Variants in BTBD9 observed in about 807,000 individuals in gnomAD.
The protein encoded by BTBD9 is BTB domain containing 9, also known as BTB/POZ domain-containing protein 9.
Under a neutral mutation model 64.3 loss-of-function variants are expected in BTBD9, and 49 were observed. The ratio of observed to expected loss-of-function variants is 0.76; its 90% CI spans 0.61 to 0.97. The LOEUF (loss-of-function observed/expected upper bound fraction) is 0.97. Among genes scored for constraint, BTBD9 ranks in the 50% least tolerant of loss-of-function variants. The probability of loss-of-function intolerance (pLI) is 0.00; values close to 1 mark genes in which losing one functional copy is unlikely to be tolerated. For synonymous variants in BTBD9, 260 were observed against 274.7 expected, an observed-to-expected ratio of 0.95 and a Z score of 0.53; for missense variants, 598 against 762.1, an observed-to-expected ratio of 0.78 and a Z score of 2.53.
At chr6:38,596,101 C>G in intron 2 of BTBD9, 1 of 962,382 alleles carries the variant, frequency 1.0e-6, no homozygotes, top group Non-Finnish European at 1.2e-6. Context: ...AGCACTTAGG[C>G]CTCTTCTGAC....
At chr6:38,505,612 A>G (rs1466018063) in intron 6 of BTBD9, among the ~76,000 whole-genome samples, 6 of 150,808 alleles carry the variant, frequency 4.0e-5, no homozygotes, top group Non-Finnish European at 8.9e-5. Context: ...CGACACAGCG[A>G]GACTCTGTCT....
chr6:38,425,634 G>A (rs953632449), intron 6 of BTBD9, among the ~76,000 whole-genome samples: 1 of 151,556 alleles, frequency 6.6e-6, no homozygotes, highest in African/African-American at 2.4e-5. Context: ...GGCTGGACAT[G>A]ATAGCTTATG....
chr6:38,275,989 C>T (rs1360037834), intron 8 of BTBD9, among the ~76,000 whole-genome samples: 1 of 152,102 alleles, frequency 6.6e-6, no homozygotes, highest in Non-Finnish European at 1.5e-5. Flanking sequence ...CCAGCCATCC[C>T]ATTACTGGGT....
At chr6:38,176,163 A>G (rs1467843662) in intron 10 of BTBD9, among the ~76,000 whole-genome samples, 1 of 152,114 alleles carries the variant, frequency 6.6e-6, no homozygotes, top group East Asian at 1.9e-4. Flanking sequence ...TGCAGGAGAG[A>G]AGGGCGGGGT....
intron 6 of BTBD9, among the ~76,000 whole-genome samples, chr6:38,543,613 A>G (rs1774389776): frequency 6.6e-6 from 1 of 152,166 alleles, no homozygotes; most frequent in Non-Finnish European, 1.5e-5. Context: ...TCATTTACTC[A>G]TTCAAAAAAT....
At chr6:38,291,039 T>G (rs1242219265) in intron 7 of BTBD9, among the ~76,000 whole-genome samples, 4 of 152,236 alleles carry the variant, frequency 2.6e-5, no homozygotes, top group African/African-American at 9.6e-5. Flanking sequence ...AAAGATGTCT[T>G]CTTGTATTCC....
chr6:38,541,485 T>A (rs1320140283), intron 6 of BTBD9, among the ~76,000 whole-genome samples: 1 of 152,180 alleles, frequency 6.6e-6, no homozygotes, highest in Non-Finnish European at 1.5e-5. Flanking sequence ...ACGCCTGTAA[T>A]CCCAGCACTT....
chr6:38,404,481 G>A (rs1478193808), intron 6 of BTBD9, among the ~76,000 whole-genome samples: 1 of 152,118 alleles, frequency 6.6e-6, no homozygotes, highest in African/African-American at 2.4e-5. Context: ...ATTCATTACC[G>A]ACAGCACAGC....
At chr6:38,406,704 G>A (rs1223231553) in intron 6 of BTBD9, among the ~76,000 whole-genome samples, 3 of 152,122 alleles carry the variant, frequency 2.0e-5, no homozygotes, top group Non-Finnish European at 4.4e-5. Flanking sequence ...AATCACCTTG[G>A]TGAGGAAGGT....
At position 38,420,579 on chromosome 6, in the gene BTBD9, C is replaced by T. The variant is rs115515246; in HGVS notation, c.1155-75486G>A. ...AAAAAATAATAATAACATCCTAGGCCGGGCACAGTGGCTCACACCTGTAAT... is the reference window on the plus strand; with the variant it reads ...AAAAAATAATAATAACATCCTAGGCTGGGCACAGTGGCTCACACCTGTAAT... On this transcript the variant is annotated intron_variant, in intron 6 of 10. Transcript: ENST00000481247. Among the ~76,000 whole-genome samples, 474 of 152,104 alleles carry T rather than the reference C, an allele frequency of 3.1e-3. 2 individuals carry two copies. Among genetic ancestry groups the T allele is most frequent in the African/African-American group, 0.011 (451 of 41,494 alleles).
chr6:38,208,231 G>A (rs1470435384), intron 9 of BTBD9, among the ~76,000 whole-genome samples: 17 of 152,122 alleles, frequency 1.1e-4, no homozygotes, highest in African/African-American at 2.4e-4. Flanking sequence ...GAGACGTGAC[G>A]GGTATTAAAG....
intron 3 of BTBD9, among the ~76,000 whole-genome samples, chr6:38,593,074 A>G (rs1304074215): frequency 6.6e-6 from 1 of 152,234 alleles, no homozygotes; most frequent in Non-Finnish European, 1.5e-5. Context: ...CAAACATTTA[A>G]TCTTTCCAAA....
intron 6 of BTBD9, among the ~76,000 whole-genome samples, chr6:38,436,794 C>A (rs149144617): frequency 6.6e-6 from 1 of 152,162 alleles, no homozygotes. Flanking sequence ...CTGGCTTTAC[C>A]CTCAGTAAGA....
chr6:38,258,048 C>T lies in BTBD9; in HGVS notation c.1455-1532G>A, dbSNP rs112481353. Among the ~76,000 whole-genome samples, 871 of 151,942 alleles carry T rather than the reference C, an allele frequency of 5.7e-3. 7 individuals carry two copies. The highest frequency in any genetic ancestry group is 0.019 in the African/African-American group (775 of 41,424). ...TCTCCTGGGCTGGAGTGTAATGGCG[C>T]GATCTCGGCTCATTGCAACCTCCGC... is the stretch of plus-strand genomic sequence containing the variant. On this transcript the variant is annotated intron_variant, in intron 8 of 10. Coordinates refer to ENST00000481247, the MANE Select transcript of BTBD9 (RefSeq NM_001099272.2).
chr6:38,585,473 T>C (rs1374756673), intron 4 of BTBD9, among the ~76,000 whole-genome samples: 1 of 152,136 alleles, frequency 6.6e-6, no homozygotes, highest in Non-Finnish European at 1.5e-5. Context: ...CACACCCAGC[T>C]AATTTAAAAA....
chr6:38,171,211 G>A lies in BTBD9; in HGVS notation c.*3774C>T, dbSNP rs1335981872. On this transcript the variant is annotated 3_prime_UTR_variant, in exon 11 of 11. Coordinates refer to ENST00000481247, the MANE Select transcript of BTBD9 (RefSeq NM_001099272.2). ...TTATCTTCTAAATTAAAAAGAAGGTGAAGTTGACTGGGCTGGAGCCATCTG... is the reference window on the plus strand; with the variant it reads ...TTATCTTCTAAATTAAAAAGAAGGTAAAGTTGACTGGGCTGGAGCCATCTG... The A allele has an allele frequency of 6.6e-6, 1 of 152,218 alleles. No homozygotes were observed. The highest frequency in any genetic ancestry group is 1.5e-5 in the Non-Finnish European group (1 of 68,038). 9.4% of individuals were successfully genotyped at this position (152,218 alleles called of 1,614,324 possible).
chr6:38,518,875 G>A (rs1773157502), intron 6 of BTBD9, among the ~76,000 whole-genome samples: 1 of 152,070 alleles, frequency 6.6e-6, no homozygotes, highest in African/African-American at 2.4e-5. Flanking sequence ...TCACTCTCAA[G>A]AGCTTATAAT....
At chr6:38,341,230 G>A (rs1372573666) in intron 7 of BTBD9, among the ~76,000 whole-genome samples, 1 of 152,128 alleles carries the variant, frequency 6.6e-6, no homozygotes. Flanking sequence ...AACAATTAGG[G>A]AAATTGGAAC....
intron 6 of BTBD9, among the ~76,000 whole-genome samples, chr6:38,531,085 T>C (rs1288687932): frequency 1.3e-5 from 2 of 152,116 alleles, no homozygotes; most frequent in African/African-American, 4.8e-5. Flanking sequence ...TTTCCAAACC[T>C]ACAGAAAGAT....
Sources: allele counts gnomAD v4.1 joint callset (sites outside exome capture counted in the v4.1 genomes callset), GRCh38; gene constraint gnomAD v4.1.1; transcripts MANE v1.5; gene names NCBI Gene and HGNC (gene_info 2026-07-23, HGNC 2026-07-21).